TMEM87A: variants seen among roughly 807,000 people sequenced by gnomAD.
TMEM87A encodes the protein Golgi-pH regulating cation channel.
A neutral mutation model predicts 90.0 loss-of-function variants in TMEM87A; 50 were observed. The observed-to-expected ratio is 0.56, with a 90% CI of 0.44 to 0.70. TMEM87A has a LOEUF of 0.70. TMEM87A is among the 30% of genes least tolerant of loss of function. The probability of loss-of-function intolerance (pLI) is 0.00; values close to 1 mark genes in which losing one functional copy is unlikely to be tolerated. For missense variants in TMEM87A, 577 were observed against 660.5 expected (o/e 0.87, Z 1.39); for synonymous variants, 226 against 226.7 (o/e 1.00, Z 0.03).
At chr15:42,271,312 C>T (rs947695398) in intron 2 of TMEM87A, among the ~76,000 whole-genome samples, 3 of 152,204 alleles carry the variant, frequency 2.0e-5, no homozygotes, top group Non-Finnish European at 4.4e-5. Context: ...TCACAGCCAA[C>T]GGCCTGACAA....
chr15:42,213,492 G>C (rs1272294776), intron 19 of TMEM87A, among the ~76,000 whole-genome samples: 1 of 152,220 alleles, frequency 6.6e-6, no homozygotes, highest in African/African-American at 2.4e-5. Flanking sequence ...TGTAGGGAAT[G>C]GTTTGAAGCA....
intron 15 of TMEM87A, among the ~76,000 whole-genome samples, chr15:42,220,958 A>G (rs1246915314): frequency 6.6e-6 from 1 of 151,782 alleles, no homozygotes; most frequent in Non-Finnish European, 1.5e-5. Flanking sequence ...TGCCTGGCCA[A>G]TTTTTTGCAT....
intron 11 of TMEM87A, among the ~76,000 whole-genome samples, chr15:42,232,075 C>T (rs1474717035): frequency 2.6e-5 from 4 of 152,076 alleles, no homozygotes; most frequent in Non-Finnish European, 5.9e-5. Flanking sequence ...CATATTGAGC[C>T]GTTTTCTTGT....
chr15:42,260,717 T>TG (rs377028855), intron 6 of TMEM87A, among the ~76,000 whole-genome samples: 7 of 152,312 alleles, frequency 4.6e-5, no homozygotes, highest in African/African-American at 1.2e-4. Context: ...CAGATATTTA[T>TG]GGGGGGATAA....
At chr15:42,231,395 T>C (rs1231739154) in intron 11 of TMEM87A, 135 bp from the exon 12 acceptor site, 10 of 586,174 alleles carry the variant, frequency 1.7e-5, no homozygotes, top group Middle Eastern at 2.7e-4. Context: ...AAAAGAACAT[T>C]TGACACCTAA....
At chr15:42,238,020 T>C (rs868004379) in intron 8 of TMEM87A, among the ~76,000 whole-genome samples, 3,096 of 151,934 alleles carry the variant, frequency 0.02, 59 homozygotes, top group Middle Eastern at 0.062. Flanking sequence ...TGTGTGTGTG[T>C]GTGTGTGTGT....
At chr15:42,264,605 T>C (rs1210369626) in intron 3 of TMEM87A, among the ~76,000 whole-genome samples, 1 of 151,154 alleles carries the variant, frequency 6.6e-6, no homozygotes, top group East Asian at 1.9e-4. Context: ...GATAATCTTC[T>C]TAAAAATGCA....
intron 3 of TMEM87A, among the ~76,000 whole-genome samples, chr15:42,265,407 G>A (rs1174504731): frequency 1.3e-5 from 2 of 151,510 alleles, no homozygotes; most frequent in Admixed American, 1.3e-4. Context: ...CCATTCTGAT[G>A]TGAGATGGTA....
chr15:42,259,420 G>C (rs1002772374), intron 6 of TMEM87A, among the ~76,000 whole-genome samples: 2 of 152,160 alleles, frequency 1.3e-5, no homozygotes, highest in African/African-American at 2.4e-5. Context: ...CTAAAAGACT[G>C]ATCACCTGAG....
chr15:42,261,668 C>G (rs961528248), intron 4 of TMEM87A, among the ~76,000 whole-genome samples: 1 of 148,704 alleles, frequency 6.7e-6, no homozygotes, highest in Non-Finnish European at 1.5e-5. Context: ...GAGTCTTGCT[C>G]TGTTGCACAG....
At chr15:42,244,012 GATA>G (rs764053570) in intron 7 of TMEM87A, 35 bp downstream of exon 7, 8 of 1,240,192 alleles carry the variant, frequency 6.5e-6, no homozygotes, top group Non-Finnish European at 9.0e-6. Context: ...GACATAACCA[GATA>G]ATAACATAAC....
chr15:42,229,951 G>A (rs947438920), intron 12 of TMEM87A, among the ~76,000 whole-genome samples: 21 of 152,094 alleles, frequency 1.4e-4, no homozygotes, highest in African/African-American at 4.6e-4. Context: ...TCAGGCTCCC[G>A]AGCAGCTGGG....
chr15:42,231,105 A>G (rs1335282176), intron 12 of TMEM87A, 87 bp downstream of exon 12: 1 of 1,303,810 alleles, frequency 7.7e-7, no homozygotes, highest in African/African-American at 1.5e-5. Flanking sequence ...AACAAAACTG[A>G]TAAAAACTCT....
intron 19 of TMEM87A, among the ~76,000 whole-genome samples, chr15:42,214,825 G>A (rs1208018995): frequency 1.3e-5 from 2 of 152,122 alleles, no homozygotes; most frequent in African/African-American, 4.8e-5. Context: ...CACAAAACAA[G>A]AGCAAAACAG....
intron 2 of TMEM87A, among the ~76,000 whole-genome samples, chr15:42,269,663 G>A (rs548625021): frequency 8.5e-5 from 13 of 152,172 alleles, no homozygotes; most frequent in Non-Finnish European, 1.5e-4. Context: ...AAGGTCGGGC[G>A]CGGTGGCTCA....
intron 11 of TMEM87A, chr15:42,231,892 CAG>C (rs1247747415): frequency 1.6e-6 from 2 of 1,278,638 alleles, no homozygotes; most frequent in African/African-American, 3.1e-5. Flanking sequence ...GGTTTACTAT[CAG>C]AGTCAAGGGA....
intron 6 of TMEM87A, among the ~76,000 whole-genome samples, chr15:42,247,942 T>C (rs2140958479): frequency 6.6e-6 from 1 of 152,334 alleles, no homozygotes; most frequent in Admixed American, 6.5e-5. Context: ...TCCATTTGTT[T>C]GTGTCCTCTT....
chr15:42,235,991 T>C (rs751415493), intron 10 of TMEM87A, among the ~76,000 whole-genome samples: 5 of 150,398 alleles, frequency 3.3e-5, no homozygotes, highest in Non-Finnish European at 5.9e-5. Flanking sequence ...AAGAATGCGT[T>C]TCCCATAAAA....
intron 15 of TMEM87A, among the ~76,000 whole-genome samples, chr15:42,226,285 C>T (rs1336502251): frequency 2.6e-5 from 4 of 151,960 alleles, no homozygotes; most frequent in African/African-American, 9.7e-5. Flanking sequence ...CAGGCGTGAG[C>T]CACCACGCCC....
Sources: gnomAD v4.1 joint callset for allele counts (sites outside exome capture counted in the v4.1 genomes callset) on GRCh38, gnomAD v4.1.1 for gene constraint, MANE v1.5 for transcripts, NCBI Gene and HGNC (gene_info 2026-07-23, HGNC 2026-07-21) for gene names.